Variants in SERINC1 observed in about 807,000 individuals in gnomAD.
The protein encoded by SERINC1 is tumor differentially expressed protein 2.
In SERINC1, 38 loss-of-function variants were observed where a neutral mutation model predicts 52.9. That is an observed-to-expected ratio of 0.72 (90% CI 0.55 to 0.94). The LOEUF (loss-of-function observed/expected upper bound fraction) is 0.94, where lower values mean the gene tolerates loss of function less well. Among genes scored for constraint, SERINC1 ranks in the 40% least tolerant of loss-of-function variants. The pLI, the probability that SERINC1 is intolerant of heterozygous loss-of-function variation, is 0.00. For synonymous variants in SERINC1, 198 were observed against 183.1 expected (o/e 1.08, Z -0.66); for missense variants, 471 against 533.9 (o/e 0.88, Z 1.16).
At position 122,453,756 on chromosome 6, in the gene SERINC1, C is replaced by T. The variant is rs201992975; in HGVS notation, c.589+14G>A. Reference sequence around the variant, plus strand: ...GTTCAACTATACTGAAGTTGTTCTGCGACGAAAGCTTACCTGCATACCAAC... The same window carrying T: ...GTTCAACTATACTGAAGTTGTTCTGTGACGAAAGCTTACCTGCATACCAAC... On this transcript the variant is annotated intron_variant, in intron 5 of 9. Transcript: ENST00000339697. 187 of 1,581,684 alleles carry T rather than the reference C, an allele frequency of 1.2e-4. No homozygotes were observed. Among genetic ancestry groups the T allele is most frequent in the Non-Finnish European group, 1.5e-4 (170 of 1,158,974 alleles).
chr6:122,466,511 A>AT (rs1428512611), intron 1 of SERINC1, among the ~76,000 whole-genome samples: 3 of 152,034 alleles, frequency 2.0e-5, no homozygotes, highest in Non-Finnish European at 4.4e-5. Context: ...CGCCTGGCTA[A>AT]TTTTTTTGTA....
intron 9 of SERINC1, 107 bp from the exon 10 acceptor site, chr6:122,445,286 G>A: frequency 1.9e-6 from 2 of 1,055,646 alleles, no homozygotes; most frequent in East Asian, 2.6e-5. Context: ...TACAGTTTGT[G>A]ATTTCAGATA....
At chr6:122,447,694 C>G (rs1774830954) in intron 7 of SERINC1, among the ~76,000 whole-genome samples, 1 of 152,102 alleles carries the variant, frequency 6.6e-6, no homozygotes, top group South Asian at 2.1e-4. Context: ...CAATTTGATA[C>G]AGCACATTGT....
In SERINC1 at chr6:122,444,833, T is replaced by A; in HGVS notation, c.*211A>T. The A allele has an allele frequency of 1.9e-6, 1 of 537,176 alleles. No homozygotes were observed. Among genetic ancestry groups the A allele is most frequent in the Non-Finnish European group, 3.3e-6 (1 of 306,566 alleles). The allele number at this position is 537,176 out of a possible 1,614,324, so 33.3% of individuals were successfully genotyped here. ...CACTTTTACTAACTCATCACCATAT[T>A]CATAAAACTTTCCTCTGCAATTCAT... On this transcript the variant is annotated 3_prime_UTR_variant, in exon 10 of 10. Coordinates refer to ENST00000339697, the MANE Select transcript of SERINC1 (RefSeq NM_020755.4).
At chr6:122,455,200 T>C (rs1242229498) in intron 3 of SERINC1, among the ~76,000 whole-genome samples, 1 of 152,150 alleles carries the variant, frequency 6.6e-6, no homozygotes, top group Non-Finnish European at 1.5e-5. Flanking sequence ...GGATGCAAAG[T>C]ACTGACTTGT....
intron 5 of SERINC1, 135 bp downstream of exon 5, chr6:122,453,635 C>T: frequency 1.6e-6 from 1 of 617,060 alleles, no homozygotes; most frequent in Non-Finnish European, 2.6e-6. Context: ...TATTTTGACA[C>T]TCACAAAGTT....
chr6:122,457,365 T>C (rs906062929), intron 2 of SERINC1, among the ~76,000 whole-genome samples: 4 of 152,202 alleles, frequency 2.6e-5, no homozygotes, highest in African/African-American at 9.6e-5. Flanking sequence ...CTGCCATGGT[T>C]TCAACATTCA....
intron 1 of SERINC1, among the ~76,000 whole-genome samples, chr6:122,462,979 A>T (rs1423021931): frequency 6.6e-6 from 1 of 152,202 alleles, no homozygotes; most frequent in Non-Finnish European, 1.5e-5. Context: ...CTAGCTGAAC[A>T]GGCAAAAAAC....
At chr6:122,452,151 T>C in intron 5 of SERINC1, 94 bp from the exon 6 acceptor site, 1 of 802,900 alleles carries the variant, frequency 1.2e-6, no homozygotes, top group Non-Finnish European at 1.7e-6. Flanking sequence ...TGTCATTTTG[T>C]CAAAAAATAT....
chr6:122,465,584 A>T (rs963060189), intron 1 of SERINC1, among the ~76,000 whole-genome samples: 10 of 152,174 alleles, frequency 6.6e-5, no homozygotes, highest in Non-Finnish European at 1.3e-4. Context: ...CCCTAGATAA[A>T]TATCTGCATT....
chr6:122,454,148 T>A lies in SERINC1; in HGVS notation c.451+3A>T. The A allele has an allele frequency of 6.5e-7, 1 of 1,528,142 alleles. No individual in the cohort carries two copies. The highest frequency in any genetic ancestry group is 8.9e-7 in the Non-Finnish European group (1 of 1,119,660). 94.7% of individuals were successfully genotyped at this position (1,528,142 alleles called of 1,614,324 possible). On this transcript the variant is annotated splice_donor_region_variant and intron_variant, in intron 4 of 9. Transcript: ENST00000339697. ...GTCAAACAACTTAAAAAGGATTTCT[T>A]ACCAGTTGTAAAAGTTCCTTCTGGA... is the stretch of plus-strand genomic sequence containing the variant.
At chr6:122,460,802 G>GCATT (rs1421822346) in intron 1 of SERINC1, among the ~76,000 whole-genome samples, 3 of 152,038 alleles carry the variant, frequency 2.0e-5, no homozygotes, top group Non-Finnish European at 4.4e-5. Flanking sequence ...TATAAATAGG[G>GCATT]CATTGTAGTA....
chr6:122,446,824 C>A lies in SERINC1; in HGVS notation c.1176G>T (p.Met392Ile), dbSNP rs1160262495. The change falls in exon 9 of 10, where the codon ATG becomes ATT. Residue 392 changes from methionine to isoleucine, a missense_variant. Coordinates refer to ENST00000339697, the MANE Select transcript of SERINC1 (RefSeq NM_020755.4). ...VTYSYSFFHF[M>I]LFLASLYIMM... ...TGATATAAAGTGAAGCCAGGAAAAGCATGAAGTGAAAGAAGGAATAACTGT... is the reference window on the plus strand; with the variant it reads ...TGATATAAAGTGAAGCCAGGAAAAGAATGAAGTGAAAGAAGGAATAACTGT... 2 of 1,614,020 alleles carry A rather than the reference C, an allele frequency of 1.2e-6. No homozygotes were observed. Among genetic ancestry groups the A allele is most frequent in the Non-Finnish European group, 1.7e-6 (2 of 1,179,930 alleles).
At chr6:122,450,125 A>G (rs1774879220) in intron 7 of SERINC1, among the ~76,000 whole-genome samples, 1 of 152,246 alleles carries the variant, frequency 6.6e-6, no homozygotes, top group South Asian at 2.1e-4. Context: ...TTTCATAGCT[A>G]TAGAGAAGTC....
At chr6:122,459,929 T>G (rs555924151) in intron 1 of SERINC1, among the ~76,000 whole-genome samples, 3 of 152,166 alleles carry the variant, frequency 2.0e-5, no homozygotes, top group Non-Finnish European at 4.4e-5. Flanking sequence ...CAGGTCAAGA[T>G]GGAGAAACCA....
chr6:122,444,984 G>T lies in SERINC1; in HGVS notation c.*60C>A. 1 of 1,537,110 alleles carries T rather than the reference G, an allele frequency of 6.5e-7. No homozygotes were observed. The highest frequency in any genetic ancestry group is 8.9e-7 in the Non-Finnish European group (1 of 1,127,030). Reference sequence around the variant, plus strand: ...AAACATACACAACTTTACAAAAGTTGGGAATACTGTTTTCAAATAAGCAAT... The same window carrying T: ...AAACATACACAACTTTACAAAAGTTTGGAATACTGTTTTCAAATAAGCAAT... On this transcript the variant is annotated 3_prime_UTR_variant, in exon 10 of 10. Transcript: ENST00000339697.
chr6:122,454,487 C>A, intron 3 of SERINC1: 3 of 335,388 alleles, frequency 8.9e-6, no homozygotes, highest in Non-Finnish European at 5.6e-6. Context: ...ATAGATCTTT[C>A]CAATTGGAAA....
chr6:122,451,163 T>C (rs1774896352), intron 7 of SERINC1, among the ~76,000 whole-genome samples: 1 of 152,174 alleles, frequency 6.6e-6, no homozygotes, highest in Non-Finnish European at 1.5e-5. Flanking sequence ...AAAACAGCCA[T>C]GCCAACCTGC....
At chr6:122,465,617 G>C (rs1405173410) in intron 1 of SERINC1, among the ~76,000 whole-genome samples, 6 of 152,068 alleles carry the variant, frequency 3.9e-5, no homozygotes, top group Non-Finnish European at 5.9e-5. Flanking sequence ...TAAACTGGTT[G>C]AGCCAGATCA....
Sources: allele counts gnomAD v4.1 joint callset (sites outside exome capture counted in the v4.1 genomes callset), GRCh38; gene constraint gnomAD v4.1.1; transcripts MANE v1.5; gene names NCBI Gene and HGNC (gene_info 2026-07-23, HGNC 2026-07-21).